The following HAPLN1 variants were observed in gnomAD, a reference collection of about 807,000 sequenced individuals.
HAPLN1 encodes Cartilage link protein.
HAPLN1 carries 13 observed loss-of-function variants against 36.5 expected under a neutral mutation model. The ratio of observed to expected loss-of-function variants is 0.36; its 90% confidence interval spans 0.23 to 0.57. The LOEUF (loss-of-function observed/expected upper bound fraction) is 0.57, where lower values mean the gene tolerates loss of function less well. HAPLN1 is among the 20% of genes least tolerant of loss of function. The pLI is 0.83. For synonymous variants in HAPLN1, 202 were observed against 169.8 expected (o/e 1.19, Z -1.48); for missense variants, 407 against 439.7 (o/e 0.93, Z 0.66).
At chr5:83,663,799 C>CT (rs71605866) in intron 2 of HAPLN1, among the ~76,000 whole-genome samples, 7,387 of 121,834 alleles carry the variant, frequency 0.061, 398 homozygotes, top group East Asian at 0.17. Flanking sequence ...TCTTCCTTCA[C>CT]TTTTTTTTTT....
intron 1 of HAPLN1, among the ~76,000 whole-genome samples, chr5:83,712,134 G>A (rs1389526396): frequency 3.9e-5 from 6 of 152,272 alleles, no homozygotes; most frequent in East Asian, 3.9e-4. Flanking sequence ...TGTTAACATT[G>A]ACCAAATGGT....
intron 3 of HAPLN1, 22 bp from the exon 4 acceptor site, chr5:83,644,687 G>T: frequency 2.2e-6 from 3 of 1,390,406 alleles, no homozygotes; most frequent in Non-Finnish European, 1.9e-6. Flanking sequence ...AGAAAGCAAG[G>T]AGTTGTTAGA....
intron 2 of HAPLN1, among the ~76,000 whole-genome samples, chr5:83,669,432 G>A (rs1181325949): frequency 6.6e-6 from 1 of 152,202 alleles, no homozygotes; most frequent in South Asian, 2.1e-4. Context: ...CTGGGAGGCA[G>A]AGGTTGCAGT....
At chr5:83,665,593 C>CT (rs970906052) in intron 2 of HAPLN1, among the ~76,000 whole-genome samples, 67 of 152,136 alleles carry the variant, frequency 4.4e-4, no homozygotes, top group African/African-American at 1.4e-3. Context: ...TTTGTTCCTA[C>CT]TTTTTTACCT....
chr5:83,685,683 T>C (rs1229677756), intron 1 of HAPLN1, among the ~76,000 whole-genome samples: 1 of 152,178 alleles, frequency 6.6e-6, no homozygotes, highest in Non-Finnish European at 1.5e-5. Flanking sequence ...GAGTGTTCAA[T>C]GAATGAATAA....
chr5:83,691,770 A>G (rs936466055), intron 1 of HAPLN1, among the ~76,000 whole-genome samples: 3 of 151,990 alleles, frequency 2.0e-5, no homozygotes, highest in Non-Finnish European at 4.4e-5. Flanking sequence ...ATAATAATAA[A>G]GAGAAAACTT....
chr5:83,692,957 C>G (rs546698086), intron 1 of HAPLN1, among the ~76,000 whole-genome samples: 26 of 151,852 alleles, frequency 1.7e-4, no homozygotes, highest in African/African-American at 6.3e-4. Context: ...TTCTAAGACA[C>G]CCAGTGGATG....
chr5:83,687,104 TA>T (rs2112615359), intron 1 of HAPLN1, among the ~76,000 whole-genome samples: 2 of 152,284 alleles, frequency 1.3e-5, no homozygotes, highest in East Asian at 3.9e-4. Flanking sequence ...GAGCAAGTGG[TA>T]TTTATAAAGC....
intron 1 of HAPLN1, among the ~76,000 whole-genome samples, chr5:83,677,805 T>C (rs1311811482): frequency 6.6e-6 from 1 of 152,350 alleles, no homozygotes; most frequent in East Asian, 1.9e-4. Context: ...CAAACTTGAT[T>C]GATCGTTATG....
At position 83,712,762 on chromosome 5, in the gene HAPLN1, A is replaced by AT. The variant is rs1276336049; in HGVS notation, c.-27+8026dup. 6.6e-5 allele frequency among the ~76,000 whole-genome samples: 10 copies of AT among 151,624 alleles called. No individual in the cohort carries two copies. In the East Asian group the frequency reaches 7.8e-4, roughly 12 times the overall value. On this transcript the variant is annotated intron_variant, in intron 1 of 4. Transcript: ENST00000274341. The stretch of plus-strand genomic sequence containing the variant: ...AAAATTGAACTTTAGAAAAACAAGA[A>AT]TTTTTTTTGGTATAAATATGTCCCA...
At position 83,640,023 on chromosome 5, in the gene HAPLN1, G is replaced by A. The variant is rs1292681792; in HGVS notation, c.*1473C>T. The A allele has an allele frequency of 6.6e-6, 1 of 152,060 alleles. No individual in the cohort carries two copies. The highest frequency in any genetic ancestry group is 1.5e-5 in the Non-Finnish European group (1 of 67,960). 9.4% of individuals were successfully genotyped at this position (152,060 alleles called of 1,614,324 possible). ...CAGATTTATTTACTCATGTTCATGG[G>A]AGGAAAATCTACATAAAAACATTCA... On this transcript the variant is annotated 3_prime_UTR_variant, in exon 5 of 5. Transcript: ENST00000274341.
Position 83,644,630 on chromosome 5 carries a change from A to G in HAPLN1, c.508T>C (p.Tyr170His). The change falls in exon 4 of 5, where the codon TAC (tyrosine) becomes CAC (histidine). Residue 170 changes from tyrosine (Y) to histidine (H), a missense_variant. Physicochemically the swap from Tyr to His is moderately conservative, Grantham distance 83. Coordinates refer to ENST00000274341, the MANE Select transcript of HAPLN1 (RefSeq NM_001884.4). Reference protein sequence around the residue: ...VFPYFPRLGRYNLNFHEAQQA... With the variant: ...VFPYFPRLGRHNLNFHEAQQA... Reference sequence around the variant, plus strand: ...TGCGCCTCGTGAAAATTGAGATTGTAGCGCCCCAGTCGTGGAAAGTAAGGG... The same window carrying G: ...TGCGCCTCGTGAAAATTGAGATTGTGGCGCCCCAGTCGTGGAAAGTAAGGG... The G allele has an allele frequency of 2.0e-6, 3 of 1,500,516 alleles. No homozygotes were observed. The highest frequency in any genetic ancestry group is 2.7e-6 in the Non-Finnish European group (3 of 1,121,880). The allele number at this position is 1,500,516 out of a possible 1,614,324, so 93.0% of individuals were successfully genotyped here.
chr5:83,711,612 G>A (rs952150183), intron 1 of HAPLN1, among the ~76,000 whole-genome samples: 3 of 152,080 alleles, frequency 2.0e-5, no homozygotes, highest in Non-Finnish European at 4.4e-5. Flanking sequence ...CCGTAGTTGA[G>A]AACAACAAAT....
chr5:83,717,582 A>G (rs1751942159), intron 1 of HAPLN1, among the ~76,000 whole-genome samples: 1 of 152,252 alleles, frequency 6.6e-6, no homozygotes, highest in Non-Finnish European at 1.5e-5. Context: ...CATAACTTGC[A>G]AAGAGCCAGT....
chr5:83,675,635 G>A (rs1750842388), intron 1 of HAPLN1, among the ~76,000 whole-genome samples: 1 of 152,052 alleles, frequency 6.6e-6, no homozygotes. Context: ...ACTACTAAGG[G>A]TTCATTCCAA....
chr5:83,662,708 A>T (rs1345988121), intron 2 of HAPLN1, among the ~76,000 whole-genome samples: 1 of 152,198 alleles, frequency 6.6e-6, no homozygotes, highest in Non-Finnish European at 1.5e-5. Context: ...GTAATTATCT[A>T]CCACTCCTTA....
chr5:83,663,299 A>G (rs1454569961), intron 2 of HAPLN1, among the ~76,000 whole-genome samples: 1 of 152,210 alleles, frequency 6.6e-6, no homozygotes, highest in African/African-American at 2.4e-5. Flanking sequence ...GCTTGCAACT[A>G]ATTTAAAATT....
At chr5:83,657,283 A>G (rs190611691) in intron 2 of HAPLN1, among the ~76,000 whole-genome samples, 1 of 152,078 alleles carries the variant, frequency 6.6e-6, no homozygotes, top group East Asian at 1.9e-4. Context: ...TTTTTAGTAG[A>G]GATGGGGTTT....
At chr5:83,652,417 C>T (rs760955879) in intron 3 of HAPLN1, 36 bp downstream of exon 3, 1 of 1,569,628 alleles carries the variant, frequency 6.4e-7, no homozygotes, top group Non-Finnish European at 8.6e-7. Flanking sequence ...CTATTAATGA[C>T]CATTTATACG....
Sources: gnomAD v4.1 joint callset for allele counts (sites outside exome capture counted in the v4.1 genomes callset) on GRCh38, gnomAD v4.1.1 for gene constraint, MANE v1.5 for transcripts, NCBI Gene and HGNC (gene_info 2026-07-23, HGNC 2026-07-21) for gene names.